KIF2C: variants seen among roughly 807,000 people sequenced by gnomAD.
KIF2C encodes the protein kinesin-like protein KIF2C.
KIF2C carries 34 observed loss-of-function variants against 97.4 expected under a neutral mutation model. That is an observed-to-expected ratio of 0.35 (90% CI 0.27 to 0.46). The LOEUF (loss-of-function observed/expected upper bound fraction) is 0.46. Among genes scored for constraint, KIF2C ranks in the 20% least tolerant of loss-of-function variants. The pLI is 1.00. For synonymous variants in KIF2C, 313 were observed against 318.2 expected, an observed-to-expected ratio of 0.98 and a Z score of 0.17; for missense variants, 750 against 907.6, an observed-to-expected ratio of 0.83 and a Z score of 2.23.
In KIF2C at chr1:44,739,920, G is replaced by C; in HGVS notation, c.-13G>C. On this transcript the variant is annotated 5_prime_UTR_variant, in exon 1 of 21. Coordinates refer to ENST00000372224, the MANE Select transcript of KIF2C (RefSeq NM_006845.4). ...TTGGTATTGCGCGTTTCTCTTCCTT[G>C]CTGACTCTCCGAATGGCCATGGACT... 1 of 1,613,412 alleles carries C rather than the reference G, an allele frequency of 6.2e-7. No individual in the cohort carries two copies. The highest frequency in any genetic ancestry group is 8.5e-7 in the Non-Finnish European group (1 of 1,179,300).
At chr1:44,755,020 T>G (rs1371282364) in intron 8 of KIF2C, among the ~76,000 whole-genome samples, 175 bp downstream of exon 8, 1 of 152,018 alleles carries the variant, frequency 6.6e-6, no homozygotes, top group Non-Finnish European at 1.5e-5. Context: ...AGTGGTACGA[T>G]CTTGGATCAC....
chr1:44,745,907 C>T (rs1319641303), intron 2 of KIF2C, among the ~76,000 whole-genome samples: 2 of 151,114 alleles, frequency 1.3e-5, no homozygotes, highest in African/African-American at 2.4e-5. Context: ...GACGGAGTCT[C>T]GCTGTGTCGC....
At chr1:44,746,835 G>A in intron 2 of KIF2C, 3 of 1,356,460 alleles carry the variant, frequency 2.2e-6, no homozygotes, top group Non-Finnish European at 3.1e-6. Flanking sequence ...GGTAAAGTTT[G>A]AATTTAGGGG....
At position 44,739,856 on chromosome 1, in the gene KIF2C, G is replaced by C. The variant is rs1221588612; in HGVS notation, c.-77G>C. The C allele has an allele frequency of 2.3e-6, 3 of 1,315,824 alleles. No individual in the cohort carries two copies. Among genetic ancestry groups the C allele is most frequent in the East Asian group, 2.3e-5 (1 of 43,094 alleles). The allele number at this position is 1,315,824 out of a possible 1,614,324, so 81.5% of individuals were successfully genotyped here. Reference sequence around the variant, plus strand: ...GGATTTAAACTGCGGCGGTTTACGCGGCGTTAAGACTTCGTAGGGTTAGCG... The same window carrying C: ...GGATTTAAACTGCGGCGGTTTACGCCGCGTTAAGACTTCGTAGGGTTAGCG... On this transcript the variant is annotated 5_prime_UTR_variant, in exon 1 of 21. Transcript: ENST00000372224.
In KIF2C at chr1:44,759,022, C is replaced by A. The variant is rs1324320368; in HGVS notation, c.1225-184C>A. ...AGTAAGTTACCAGAGTCACAGCAAACTGAGGCAGTTCGGCTCAGATCCCAA... is the reference window on the plus strand; with the variant it reads ...AGTAAGTTACCAGAGTCACAGCAAAATGAGGCAGTTCGGCTCAGATCCCAA... On this transcript the variant is annotated intron_variant, in intron 13 of 20. Transcript: ENST00000372224. 6 of 671,426 alleles carry A rather than the reference C, an allele frequency of 8.9e-6. No individual in the cohort carries two copies. In the East Asian group the frequency reaches 1.7e-4, roughly 19 times the overall value. 41.6% of individuals were successfully genotyped at this position (671,426 alleles called of 1,614,324 possible).
At position 44,756,209 on chromosome 1, in the gene KIF2C, G is replaced by A; in HGVS notation, c.949G>A (p.Glu317Lys). ...QAFCFDFAFD[E>K]TASNEVVYRF... ...ATTCTGCTTTGACTTTGCATTTGAT[G>A]AAACAGCTTCGAATGAAGTTGTCTA... The change falls in exon 10 of 21, where the codon GAA (glutamate) becomes AAA (lysine). Residue 317 changes from glutamate (E) to lysine (K), a missense_variant. Transcript: ENST00000372224. 2 of 1,614,234 alleles carry A rather than the reference G, an allele frequency of 1.2e-6. No individual in the cohort carries two copies. The highest frequency in any genetic ancestry group is 1.7e-6 in the Non-Finnish European group (2 of 1,180,050).
Position 44,767,158 on chromosome 1 carries a change from C to G in KIF2C, c.2157C>G (p.Ser719Arg). ...AAGAGCAGGCTAGCAGACAAATAAG[C>G]AGCAAGAAACGGCCCCAGTGACGAC... Reference protein sequence around the residue: ...QLEEQASRQISSKKRPQ With the variant: ...QLEEQASRQIRSKKRPQ Residue 719 changes from serine to arginine, a missense_variant, in exon 21 of 21, where the codon AGC (serine) becomes AGG (arginine). Transcript: ENST00000372224. 1 of 1,614,136 alleles carries G rather than the reference C, an allele frequency of 6.2e-7. No individual in the cohort carries two copies. The highest frequency in any genetic ancestry group is 8.5e-7 in the Non-Finnish European group (1 of 1,179,990).
intron 1 of KIF2C, 132 bp from the exon 2 acceptor site, chr1:44,740,779 GTT>G (rs11403922): frequency 0.037 from 9,065 of 248,074 alleles, no homozygotes; most frequent in East Asian, 0.071. Context: ...GTTTCTCTTA[GTT>G]TTTTTTTTTT....
intron 4 of KIF2C, among the ~76,000 whole-genome samples, chr1:44,748,332 T>C (rs6658470): frequency 0.45 from 68,570 of 151,824 alleles, 16,166 homozygotes; most frequent in African/African-American, 0.59. Flanking sequence ...CTGAAATGAT[T>C]CAGCTACCTC....
At chr1:44,747,338 G>A (rs1176302498) in intron 2 of KIF2C, 46 bp from the exon 3 acceptor site, 1 of 1,404,330 alleles carries the variant, frequency 7.1e-7, no homozygotes, top group Non-Finnish European at 9.9e-7. Flanking sequence ...AATGTATTTG[G>A]ATTGAACAAT....
chr1:44,767,170 G>T lies in KIF2C; in HGVS notation c.2169G>T (p.Arg723=), dbSNP rs1650515074. The change falls in exon 21 of 21, where the codon CGG becomes CGT. Residue 723 remains arginine, a synonymous_variant. Transcript: ENST00000372224. Reference sequence around the variant, plus strand: ...GCAGACAAATAAGCAGCAAGAAACGGCCCCAGTGACGACTGCAAATAAAAA... The same window carrying T: ...GCAGACAAATAAGCAGCAAGAAACGTCCCCAGTGACGACTGCAAATAAAAA... ...QASRQISSKK[R]PQ is the part of the protein sequence containing the mutation. 6.2e-7 allele frequency: 1 copy of T among 1,614,050 alleles called. No homozygotes were observed. The highest frequency in any genetic ancestry group is 1.7e-5 in the Admixed American group (1 of 60,006).
At chr1:44,765,650 T>C (rs1252374086) in intron 19 of KIF2C, among the ~76,000 whole-genome samples, 1 of 152,050 alleles carries the variant, frequency 6.6e-6, no homozygotes, top group African/African-American at 2.4e-5. Context: ...CTGGCCAACA[T>C]AGTGAAACCC....
Position 44,750,567 on chromosome 1 carries a change from G to T in KIF2C, c.439+3G>T. On this transcript the variant is annotated splice_donor_region_variant and intron_variant, in intron 5 of 20. Transcript: ENST00000372224. ...CCGCAAGCAGTTTTCAGTTCCTCGT[G>T]AGTAACGAATGTGCCCCCAACCACC... 6.5e-7 allele frequency: 1 copy of T among 1,537,458 alleles called. No homozygotes were observed. The highest frequency in any genetic ancestry group is 1.2e-5 in the South Asian group (1 of 81,414).
intron 2 of KIF2C, among the ~76,000 whole-genome samples, chr1:44,741,342 G>A (rs1028279013): frequency 4.7e-5 from 7 of 148,446 alleles, no homozygotes; most frequent in South Asian, 2.1e-4. Context: ...AAACTGTGCC[G>A]CTGCACTCCA....
chr1:44,753,768 A>G lies in KIF2C; in HGVS notation c.598A>G (p.Lys200Glu). 6.2e-7 allele frequency: 1 copy of G among 1,612,164 alleles called. No individual in the cohort carries two copies. The highest frequency in any genetic ancestry group is 8.5e-7 in the Non-Finnish European group (1 of 1,179,252). Residue 200 changes from lysine (K) to glutamate (E), a missense_variant, in exon 7 of 21, where the codon AAA becomes GAA. Lys to Glu is a moderately conservative substitution (Grantham distance 56). Coordinates refer to ENST00000372224, the MANE Select transcript of KIF2C (RefSeq NM_006845.4). ...RKSCLVKEVEKMKNKREEKKA... is the reference protein window; with the variant it reads ...RKSCLVKEVEEMKNKREEKKA... ...ATCATGTCTTGTGAAGGAAGTGGAA[A>G]AAATGAAGAACAAGCGAGAAGAGAA...
intron 6 of KIF2C, 118 bp downstream of exon 6, chr1:44,753,372 CAT>C: frequency 8.8e-7 from 1 of 1,130,474 alleles, no homozygotes; most frequent in Non-Finnish European, 1.2e-6. Flanking sequence ...CACGTGGGGG[CAT>C]GTTTTCCTCT....
At chr1:44,746,875 C>G (rs760350742) in intron 2 of KIF2C, 46 of 1,069,852 alleles carry the variant, frequency 4.3e-5, no homozygotes, top group Non-Finnish European at 5.6e-5. Context: ...TTAATTTTTT[C>G]TATGTTGTTT....
chr1:44,761,333 C>T (rs766485392), intron 16 of KIF2C, among the ~76,000 whole-genome samples: 3 of 152,070 alleles, frequency 2.0e-5, no homozygotes, highest in Admixed American at 2.0e-4. Context: ...GGGCTGGGCG[C>T]GGTGGCTCAC....
chr1:44,748,296 C>T (rs1347874395), intron 4 of KIF2C, among the ~76,000 whole-genome samples: 7 of 152,154 alleles, frequency 4.6e-5, no homozygotes, highest in Admixed American at 3.3e-4. Flanking sequence ...CTGCACAGCT[C>T]TCCAGGTCTA....
Sources: gnomAD v4.1 joint callset for allele counts (sites outside exome capture counted in the v4.1 genomes callset) on GRCh38, gnomAD v4.1.1 for gene constraint, MANE v1.5 for transcripts, NCBI Gene and HGNC (gene_info 2026-07-23, HGNC 2026-07-21) for gene names.